The following MRPL43 variants were observed in gnomAD, a reference collection of about 807,000 sequenced individuals.
The protein encoded by MRPL43 is mitochondrial ribosomal protein L43, also known as large ribosomal subunit protein mL43.
In MRPL43, 9 loss-of-function variants were observed where a neutral mutation model predicts 12.7. That is an observed-to-expected ratio of 0.71 (90% confidence interval 0.43 to 1.24). MRPL43 has a LOEUF of 1.24. Among genes scored for constraint, MRPL43 ranks in the 50% most tolerant of loss-of-function variants. The pLI is 0.00. For missense variants in MRPL43, 211 were observed against 229.2 expected (o/e 0.92, Z 0.51); for synonymous variants, 116 against 96.4 (o/e 1.20, Z -1.19).
At chr10:100,980,590 T>C, downstream of MRPL43, 1 of 1,614,016 alleles carries the variant, frequency 6.2e-7, no homozygotes. Context: ...GATGGCTGGA[T>C]CCACAAGGCC....
At chr10:100,984,261 C>T (rs1851307077), downstream of MRPL43, 1 of 1,444,170 alleles carries the variant, frequency 6.9e-7, no homozygotes, top group Non-Finnish European at 9.0e-7. Flanking sequence ...TTTTTGATGT[C>T]CCTGTAGGGC....
downstream of MRPL43, chr10:100,983,614 C>T: frequency 1.2e-6 from 2 of 1,614,070 alleles, no homozygotes; most frequent in Non-Finnish European, 1.7e-6. Flanking sequence ...ACACCTGGGG[C>T]ACAGCTGGCA....
chr10:100,987,250 C>G, intron 1 of MRPL43, 54 bp from the exon 2 acceptor site: 1 of 1,612,442 alleles, frequency 6.2e-7, no homozygotes, highest in Admixed American at 1.7e-5. Flanking sequence ...GCGACCTACC[C>G]GGGGAGTCGT....
Position 100,986,964 on chromosome 10 carries a change from C to T in MRPL43, c.250G>A (p.Val84Met). Residue 84 changes from valine to methionine, a missense_variant, in exon 3 of 3, where the codon GTG becomes ATG. Val to Met is a conservative substitution (Grantham distance 21). Coordinates refer to ENST00000318364, the MANE Select transcript of MRPL43 (RefSeq NM_032112.3). Reference protein sequence around the residue: ...RVVAEYLNGAVREESIHCKSV... With the variant: ...RVVAEYLNGAMREESIHCKSV... ...TTGCAGTGGATGCTCTCCTCGCGCA[C>T]AGCCCCGTTAACTGGCAGAAGAGGG... 1 of 1,606,682 alleles carries T rather than the reference C, an allele frequency of 6.2e-7. No homozygotes were observed. The highest frequency in any genetic ancestry group is 8.5e-7 in the Non-Finnish European group (1 of 1,179,970).
downstream of MRPL43, chr10:100,980,064 G>A: frequency 2.5e-6 from 4 of 1,613,036 alleles, no homozygotes; most frequent in Non-Finnish European, 3.4e-6. Flanking sequence ...CTGGCCTTGT[G>A]GAGAGGGCAG....
intron 1 of MRPL43, 58 bp from the exon 2 acceptor site, chr10:100,987,254 G>C: frequency 1.2e-6 from 2 of 1,612,390 alleles, no homozygotes; most frequent in Non-Finnish European, 1.7e-6. Flanking sequence ...CCTACCCGGG[G>C]AGTCGTTGCC....
chr10:100,979,358 T>C (rs766911572), downstream of MRPL43: 11 of 1,603,132 alleles, frequency 6.9e-6, no homozygotes, highest in East Asian at 8.9e-5. Context: ...TAGGATCCAC[T>C]GTGGGGAGGT....
At chr10:100,981,404 A>G (rs910577831), downstream of MRPL43, 2 of 1,613,306 alleles carry the variant, frequency 1.2e-6, no homozygotes, top group African/African-American at 2.7e-5. Context: ...TTACTGCCCA[A>G]ATGAATTATA....
chr10:100,979,981 C>T (rs949989449), downstream of MRPL43: 4 of 1,613,896 alleles, frequency 2.5e-6, no homozygotes, highest in Non-Finnish European at 8.5e-7. Flanking sequence ...GCCTGAGCCC[C>T]GGCCTGGCTC....
downstream of MRPL43, among the ~76,000 whole-genome samples, chr10:100,986,059 A>T (rs377643476): frequency 1.1e-4 from 16 of 152,326 alleles, no homozygotes; most frequent in South Asian, 3.3e-3. Flanking sequence ...CGTGGGGGGA[A>T]GGAGATGTAT....
chr10:100,986,598 T>C lies in MRPL43; in HGVS notation c.*136A>G. 1 of 1,608,752 alleles carries C rather than the reference T, an allele frequency of 6.2e-7. No homozygotes were observed. Among genetic ancestry groups the C allele is most frequent in the Non-Finnish European group, 8.5e-7 (1 of 1,178,092 alleles). ...CTGGAAAGAAACAGGCAGCTCTTCA[T>C]TATCCCAAGCAGAACCTCTGTCAAC... On this transcript the variant is annotated 3_prime_UTR_variant, in exon 3 of 3. Coordinates refer to ENST00000318364, the MANE Select transcript of MRPL43 (RefSeq NM_032112.3).
chr10:100,984,228 C>A, downstream of MRPL43: 1 of 1,473,836 alleles, frequency 6.8e-7, no homozygotes. Flanking sequence ...TTCATTACCC[C>A]CACTCCATAC....
At chr10:100,978,916 G>T (rs1037811860), downstream of MRPL43, 3 of 1,614,224 alleles carry the variant, frequency 1.9e-6, no homozygotes, top group Non-Finnish European at 2.5e-6. Flanking sequence ...ATGATGACAA[G>T]GTGTACTACT....
At chr10:100,978,527 A>C (rs1242205501), downstream of MRPL43, 1 of 1,613,760 alleles carries the variant, frequency 6.2e-7, no homozygotes. Flanking sequence ...CCCACGCCAG[A>C]TGGAGGCCTC....
chr10:100,979,861 G>A (rs764921000), downstream of MRPL43: 2 of 1,613,816 alleles, frequency 1.2e-6, no homozygotes, highest in Non-Finnish European at 1.7e-6. Context: ...GACCCTGGAG[G>A]CCTCAGCCAT....
downstream of MRPL43, chr10:100,983,695 C>T (rs768819125): frequency 6.2e-7 from 1 of 1,613,508 alleles, no homozygotes; most frequent in South Asian, 1.1e-5. Flanking sequence ...CTGGCCTCCT[C>T]CCTCCTCTAT....
At chr10:100,980,503 C>T (rs1851010424), downstream of MRPL43, 1 of 1,413,848 alleles carries the variant, frequency 7.1e-7, no homozygotes, top group African/African-American at 1.4e-5. Context: ...CTGAGCTGTT[C>T]GTATTAGGCC....
chr10:100,985,738 T>G (rs1348975109), downstream of MRPL43: 1 of 152,408 alleles, frequency 6.6e-6, no homozygotes, highest in Non-Finnish European at 1.5e-5. Flanking sequence ...ATACAACTAT[T>G]TGCAGAGGAA....
At chr10:100,981,661 T>C (rs1289698669), downstream of MRPL43, 4 of 1,266,670 alleles carry the variant, frequency 3.2e-6, no homozygotes, top group African/African-American at 3.0e-5. Context: ...AGCATTCTTA[T>C]GAGAAAGGTG....
Sources: allele counts gnomAD v4.1 joint callset (sites outside exome capture counted in the v4.1 genomes callset), GRCh38; gene constraint gnomAD v4.1.1; transcripts MANE v1.5; gene names NCBI Gene and HGNC (gene_info 2026-07-23, HGNC 2026-07-21).